SGSM2: variants seen among roughly 807,000 people sequenced by gnomAD.
SGSM2 encodes RUN and TBC1 domain containing 1.
A neutral mutation model predicts 126.6 loss-of-function variants in SGSM2; 89 were observed. That is an observed-to-expected ratio of 0.70 (90% confidence interval 0.59 to 0.84). SGSM2 has a LOEUF of 0.84. Ranked by LOEUF, SGSM2 falls within the 40% of genes least tolerant of loss-of-function variation. The pLI is 0.00. For missense variants in SGSM2, 1,404 were observed against 1,416.6 expected (o/e 0.99, Z 0.14); for synonymous variants, 614 against 574.3 (o/e 1.07, Z -0.99).
rs970681638 is a variant in SGSM2, at chr17:2,363,223, C to G, written c.672+89C>G. ...GAAACCGGCCTCTCTACGGGACAGG[C>G]CTTGGAGATGCCCCAAGGTAGCGGC... On this transcript the variant is annotated intron_variant, in intron 6 of 23. Transcript: ENST00000268989. This position sits in a 1 kb window ranked among gnomAD's most constrained non-coding sequence, Gnocchi z 4.2. The G allele has an allele frequency of 6.2e-6, 9 of 1,451,414 alleles. No individual in the cohort carries two copies. Among genetic ancestry groups the G allele is most frequent in the Non-Finnish European group, 8.2e-6 (9 of 1,092,812 alleles). The allele number at this position is 1,451,414 out of a possible 1,614,324, so 89.9% of individuals were successfully genotyped here.
Position 2,379,577 on chromosome 17 carries a change from AG to A in SGSM2, c.*61del. The A allele has an allele frequency of 6.3e-7, 1 of 1,579,310 alleles. No homozygotes were observed. Among genetic ancestry groups the A allele is most frequent in the Non-Finnish European group, 8.6e-7 (1 of 1,157,998 alleles). ...CCTGGGCTCCGGCAGGGAGAGGTGC[AG>A]GGGAGTCACCGCCCAGACCTCCCCA... On this transcript the variant is annotated 3_prime_UTR_variant, in exon 24 of 24. Coordinates refer to ENST00000268989, the MANE Select transcript of SGSM2 (RefSeq NM_014853.3).
Position 2,362,872 on chromosome 17 carries a change from C to T in SGSM2, c.493C>T (p.Pro165Ser), listed in dbSNP as rs774854103. ...CGAGAAGGAGGCACTGCTGGCAGAC[C>T]CTGTGTTCGGCCCGATCCTGGCCTC... ...YYEKEALLAD[P>S]VFGPILASLL... The change falls in exon 5 of 24, where the codon CCT becomes TCT. Residue 165 changes from proline (P) to serine (S), a missense_variant. By Grantham distance (74) the Pro-to-Ser change is moderately conservative. Coordinates refer to ENST00000268989, the MANE Select transcript of SGSM2 (RefSeq NM_014853.3). The surrounding 1 kb of genome is among the most constrained non-coding windows in gnomAD (Gnocchi z 4.9). 1 of 1,614,190 alleles carries T rather than the reference C, an allele frequency of 6.2e-7. No homozygotes were observed.
chr17:2,340,851 T>C (rs1344671154), intron 1 of SGSM2, among the ~76,000 whole-genome samples: 1 of 152,232 alleles, frequency 6.6e-6, no homozygotes, highest in Non-Finnish European at 1.5e-5. Context: ...CCCAAAGTGC[T>C]GGGATTATAG....
chr17:2,361,651 T>G lies in SGSM2; in HGVS notation c.148T>G (p.Cys50Gly). The G allele has an allele frequency of 1.9e-6, 3 of 1,613,860 alleles. No individual in the cohort carries two copies. The highest frequency in any genetic ancestry group is 2.5e-6 in the Non-Finnish European group (3 of 1,179,990). The change falls in exon 3 of 24, where the codon TGC becomes GGC. Residue 50 changes from cysteine to glycine, a missense_variant. By Grantham distance (159) the Cys-to-Gly change is radical (BLOSUM62 -3). Coordinates refer to ENST00000268989, the MANE Select transcript of SGSM2 (RefSeq NM_014853.3). ...TTGTGGCCTAGGTGCAGTGGAGGCTTGCCTCTTGCATCAGCTGAGACGCCG... is the reference window on the plus strand; with the variant it reads ...TTGTGGCCTAGGTGCAGTGGAGGCTGGCCTCTTGCATCAGCTGAGACGCCG... ...IIALCGAVEA[C>G]LLHQLRRRAA...
Position 2,372,707 on chromosome 17 carries a change from C to A in SGSM2, c.1788+219C>A. On this transcript the variant is annotated intron_variant, in intron 15 of 23. Transcript: ENST00000268989. This position sits in a 1 kb window ranked among gnomAD's most constrained non-coding sequence, Gnocchi z 6.0. ...TCCTGCCTCCACATCGCCCTGTGAC[C>A]CTGGACAAAGCTTTGCCTCTCTCCG... is the stretch of plus-strand genomic sequence containing the variant. 2 of 812,038 alleles carry A rather than the reference C, an allele frequency of 2.5e-6. No homozygotes were observed. The highest frequency in any genetic ancestry group is 1.8e-5 in the South Asian group (1 of 55,872). 50.3% of individuals were successfully genotyped at this position (812,038 alleles called of 1,614,324 possible). A position where few individuals can be genotyped will look rare whatever the true frequency, so the allele number is the denominator to read the frequency against.
At position 2,375,731 on chromosome 17, in the gene SGSM2, C is replaced by T. The variant is rs771193641; in HGVS notation, c.2340C>T (p.Asp780=). The T allele has an allele frequency of 9.9e-6, 16 of 1,608,850 alleles. No individual in the cohort carries two copies. Among genetic ancestry groups the T allele is most frequent in the Admixed American group, 1.7e-5 (1 of 59,854 alleles). ...EGQSVGFEEE[D]GGGEEGSSGP... ...AGAGCGTGGGCTTCGAAGAGGAGGA[C>T]GGCGGTGGGGAGGAAGGCTCCAGTG... Residue 780 remains aspartate (D), a synonymous_variant, in exon 18 of 24, where the codon GAC becomes GAT. Coordinates refer to ENST00000268989, the MANE Select transcript of SGSM2 (RefSeq NM_014853.3).
At chr17:2,376,040 G>C in intron 18 of SGSM2, 97 bp from the exon 19 acceptor site, 2 of 1,580,034 alleles carry the variant, frequency 1.3e-6, no homozygotes, top group South Asian at 2.3e-5. Context: ...TCTGGTCTCT[G>C]GGTTCCGTTT....
Position 2,379,575 on chromosome 17 carries a change from G to A in SGSM2, c.*55G>A. On this transcript the variant is annotated 3_prime_UTR_variant, in exon 24 of 24. Coordinates refer to ENST00000268989, the MANE Select transcript of SGSM2 (RefSeq NM_014853.3). ...AGCCTGGGCTCCGGCAGGGAGAGGTGCAGGGGAGTCACCGCCCAGACCTCC... is the reference window on the plus strand; with the variant it reads ...AGCCTGGGCTCCGGCAGGGAGAGGTACAGGGGAGTCACCGCCCAGACCTCC... 2 of 1,580,782 alleles carry A rather than the reference G, an allele frequency of 1.3e-6. No homozygotes were observed.
chr17:2,376,143 T>A lies in SGSM2; in HGVS notation c.2491T>A (p.Leu831Ile), dbSNP rs758212830. The change falls in exon 19 of 24, where the codon TTA (leucine) becomes ATA (isoleucine). Residue 831 changes from leucine (L) to isoleucine (I), a missense_variant. Coordinates refer to ENST00000268989, the MANE Select transcript of SGSM2 (RefSeq NM_014853.3). ...GGGCCCTCCACTCTTCCAGATAGAA[T>A]TACTGGACACTGTGGCCTTAAACCT... ...AVCAAAYTIE[L>I]LDTVALNLHR... The A allele has an allele frequency of 6.2e-7, 1 of 1,613,944 alleles. No individual in the cohort carries two copies. The highest frequency in any genetic ancestry group is 1.3e-5 in the African/African-American group (1 of 74,920).
intron 1 of SGSM2, among the ~76,000 whole-genome samples, chr17:2,339,770 T>A (rs1389239637): frequency 6.6e-6 from 1 of 151,534 alleles, no homozygotes; most frequent in African/African-American, 2.4e-5. Flanking sequence ...AGCCATGGCC[T>A]GGCTACTAGG....
Position 2,378,016 on chromosome 17 carries a change from A to G in SGSM2, c.2899+63A>G, listed in dbSNP as rs892083364. On this transcript the variant is annotated intron_variant, in intron 22 of 23. Coordinates refer to ENST00000268989, the MANE Select transcript of SGSM2 (RefSeq NM_014853.3). ...ACAGTGAGAGATCCCTCTTCCCCCAAGCCAACAGTTCTCAATCCTAACTGG... is the reference window on the plus strand; with the variant it reads ...ACAGTGAGAGATCCCTCTTCCCCCAGGCCAACAGTTCTCAATCCTAACTGG... 7 of 1,064,252 alleles carry G rather than the reference A, an allele frequency of 6.6e-6. No individual in the cohort carries two copies. In the African/African-American group the frequency reaches 7.8e-5, roughly 12 times the overall value. The allele number at this position is 1,064,252 out of a possible 1,614,324, so 65.9% of individuals were successfully genotyped here.
At position 2,375,698 on chromosome 17, in the gene SGSM2, T is replaced by A. The variant is rs756594458; in HGVS notation, c.2307T>A (p.Asp769Glu). ...CCTCGGGCATCCAGTCAAGCCTAGA[T>A]GAGGGGCAGAGCGTGGGCTTCGAAG... ...SVASGIQSSL[D>E]EGQSVGFEEE... Residue 769 changes from aspartate (D) to glutamate (E), a missense_variant, in exon 18 of 24, where the codon GAT (aspartate) becomes GAA (glutamate). By Grantham distance (45) the Asp-to-Glu change is conservative. Coordinates refer to ENST00000268989, the MANE Select transcript of SGSM2 (RefSeq NM_014853.3). 6.2e-7 allele frequency: 1 copy of A among 1,613,304 alleles called. No homozygotes were observed. Among genetic ancestry groups the A allele is most frequent in the Non-Finnish European group, 8.5e-7 (1 of 1,179,572 alleles).
In SGSM2 at chr17:2,373,313, G is replaced by C. The variant is rs893412438; in HGVS notation, c.1918-18G>C. On this transcript the variant is annotated intron_variant, in intron 16 of 23. Transcript: ENST00000268989. ...TGGTGCACGCTTCCCCCATGGTCGT[G>C]GTGTGGTCTGAGTACAGGTGGACGC... The C allele has an allele frequency of 3.1e-6, 5 of 1,605,320 alleles. No homozygotes were observed. The highest frequency in any genetic ancestry group is 4.3e-6 in the Non-Finnish European group (5 of 1,174,796).
chr17:2,341,360 C>T (rs558939510), intron 1 of SGSM2, among the ~76,000 whole-genome samples: 4 of 152,304 alleles, frequency 2.6e-5, no homozygotes, highest in South Asian at 2.1e-4. Context: ...GGATTACAGG[C>T]GTGAGCCACC....
chr17:2,343,724 G>C (rs1485163920), intron 2 of SGSM2, 104 bp downstream of exon 2: 1 of 966,756 alleles, frequency 1.0e-6, no homozygotes, highest in African/African-American at 1.6e-5. Context: ...TCTCAAATCT[G>C]GCTGCAAGTC....
rs569960527 is a variant in SGSM2 at position 2,380,022 on chromosome 17, G to A, written c.*502G>A. ...AGCAACCAAAACTGCTTCTGGTTTA[G>A]GCACACGTCACGGGTGCGGGAGACC... On this transcript the variant is annotated 3_prime_UTR_variant, in exon 24 of 24. Coordinates refer to ENST00000268989, the MANE Select transcript of SGSM2 (RefSeq NM_014853.3). The A allele has an allele frequency of 3.9e-5, 55 of 1,398,870 alleles. 2 individuals carry two copies. In the East Asian group the frequency reaches 1.2e-3, roughly 31 times the overall value. The allele number at this position is 1,398,870 out of a possible 1,614,324, so 86.7% of individuals were successfully genotyped here.
Position 2,367,108 on chromosome 17 carries a change from G to C in SGSM2, c.1289-163G>C. On this transcript the variant is annotated intron_variant, in intron 11 of 23. Transcript: ENST00000268989. The surrounding 1 kb of genome is among the most constrained non-coding windows in gnomAD (Gnocchi z 4.0). ...CTCGCCTCCTTCCACACTCTCCCAG[G>C]AAAATCATCCAAAGAGCTTTCTGGT... 1 of 806,050 alleles carries C rather than the reference G, an allele frequency of 1.2e-6. No individual in the cohort carries two copies. Among genetic ancestry groups the C allele is most frequent in the Non-Finnish European group, 1.9e-6 (1 of 531,078 alleles). The allele number at this position is 806,050 out of a possible 1,614,324, so 49.9% of individuals were successfully genotyped here.
rs759384738 is a variant in SGSM2 at position 2,363,152 on chromosome 17, AC to A, written c.672+21del. On this transcript the variant is annotated intron_variant, in intron 6 of 23. Coordinates refer to ENST00000268989, the MANE Select transcript of SGSM2 (RefSeq NM_014853.3). This position sits in a 1 kb window ranked among gnomAD's most constrained non-coding sequence, Gnocchi z 4.2. ...CCCTGGGGGTAGGTGCCCCCTCCCC[AC>A]CCTTTGGGCTCATCTGGGCTATGCC... 1.2e-5 allele frequency: 19 copies of A among 1,575,836 alleles called. No individual in the cohort carries two copies. Among genetic ancestry groups the A allele is most frequent in the Non-Finnish European group, 1.5e-5 (18 of 1,164,262 alleles).
rs141360605 is a variant in SGSM2, at chr17:2,372,441, G to T, written c.1741G>T (p.Ala581Ser). ...ACCTGACCGGCCCCCGGGGGCCTCC[G>T]CGGGCCTCACCAAGGACGTGTGGAG... is the stretch of plus-strand genomic sequence containing the variant. ...IPPDRPPGAS[A>S]GLTKDVWSKY... is the part of the protein sequence containing the mutation. The change falls in exon 15 of 24, where the codon GCG becomes TCG. Residue 581 changes from alanine (A) to serine (S), a missense_variant. Transcript: ENST00000268989. The surrounding 1 kb of genome is among the most constrained non-coding windows in gnomAD (Gnocchi z 6.0). 3.1e-6 allele frequency: 5 copies of T among 1,600,418 alleles called. No homozygotes were observed. Among genetic ancestry groups the T allele is most frequent in the African/African-American group, 2.7e-5 (2 of 74,358 alleles).
Sources: gnomAD v4.1 joint callset for allele counts (sites outside exome capture counted in the v4.1 genomes callset) on GRCh38, gnomAD v4.1.1 for gene constraint, Gnocchi (gnomAD v3.1) non-coding constraint, MANE v1.5 for transcripts, NCBI Gene and HGNC (gene_info 2026-07-23, HGNC 2026-07-21) for gene names.